The following ZNF532 variants were observed in gnomAD, a reference collection of about 807,000 sequenced individuals.
The protein encoded by ZNF532 is zinc finger protein 532.
A neutral mutation model predicts 89.3 loss-of-function variants in ZNF532; 22 were observed. That is an observed-to-expected ratio of 0.25 (90% confidence interval 0.18 to 0.35). ZNF532 has a LOEUF of 0.35. Among genes scored for constraint, ZNF532 ranks in the 10% least tolerant of loss-of-function variants. ZNF532 has a pLI of 1.00. For synonymous variants in ZNF532, 606 were observed against 649.6 expected (o/e 0.93, Z 1.02); for missense variants, 1,132 against 1,643.4 (o/e 0.69, Z 5.38).
At chr18:58,942,345 C>CCCTCCCTCCCTTCCTTCCTTCCTT (rs2063232886) in intron 5 of ZNF532, among the ~76,000 whole-genome samples, 1 of 74,652 alleles carries the variant, frequency 1.3e-5, no homozygotes, top group Non-Finnish European at 2.5e-5. Context: ...CTCCCTCCCT[C>CCCTCCCTCCCTTCCTTCCTTCCTT]CCTCCCTTCC....
chr18:58,953,642 A>G lies in ZNF532; in HGVS notation c.2993A>G (p.Asn998Ser). The change falls in exon 7 of 10, where the codon AAT (asparagine) becomes AGT (serine). Residue 998 changes from asparagine (N) to serine (S), a missense_variant. By Grantham distance (46) the Asn-to-Ser change is conservative (BLOSUM62 1). This residue lies in a region of ZNF532 where 415 missense variants were observed against 604.8 expected (regional missense o/e 0.69). Transcript: ENST00000591808. The part of the protein sequence containing the change: ...NQNKEDTKSM[N>S]GKEKLEKKSP... ...AACAAAGAGGACACCAAATCCATGA[A>G]TGGGAAAGAGAAATTGGAAAAGAAA... 1 of 1,614,022 alleles carries G rather than the reference A, an allele frequency of 6.2e-7. No individual in the cohort carries two copies.
intron 3 of ZNF532, among the ~76,000 whole-genome samples, chr18:58,922,521 A>G (rs1407836917): frequency 6.6e-6 from 1 of 152,222 alleles, no homozygotes; most frequent in Admixed American, 6.5e-5. Flanking sequence ...AACTTAGTTC[A>G]AGAAGGCTAT....
chr18:58,932,966 G>A (rs1346703704), intron 3 of ZNF532, among the ~76,000 whole-genome samples: 1 of 152,030 alleles, frequency 6.6e-6, no homozygotes, highest in Non-Finnish European at 1.5e-5. Context: ...TCCCAAGTAA[G>A]TGCAAGACAT....
In ZNF532 at chr18:58,969,987, G is replaced by A. The variant is rs1299963055; in HGVS notation, c.3151-9068G>A. 2.7e-5 allele frequency among the ~76,000 whole-genome samples: 4 copies of A among 146,508 alleles called. 1 individual carries two copies. Among genetic ancestry groups the A allele is most frequent in the South Asian group, 2.2e-4 (1 of 4,584 alleles). On this transcript the variant is annotated intron_variant, in intron 7 of 9. Coordinates refer to ENST00000591808, the MANE Select transcript of ZNF532 (RefSeq NM_001375912.1). ...GCAACCTCCCACTCTGGGTTCAAGCGATTCTCCTGCCTCAGCCTCCTGAGT... is the reference window on the plus strand; with the variant it reads ...GCAACCTCCCACTCTGGGTTCAAGCAATTCTCCTGCCTCAGCCTCCTGAGT...
At chr18:58,951,072 C>T (rs7244055) in intron 6 of ZNF532, among the ~76,000 whole-genome samples, 15,091 of 152,024 alleles carry the variant, frequency 0.099, 783 homozygotes, top group Admixed American at 0.13. Context: ...CCTCCAACCT[C>T]AGCCCCCCGA....
rs150282672 is a variant in ZNF532 at position 58,976,934 on chromosome 18, C to T, written c.3151-2121C>T. 1.6e-4 allele frequency among the ~76,000 whole-genome samples: 24 copies of T among 152,292 alleles called. No individual in the cohort carries two copies. In the East Asian group the frequency reaches 2.3e-3, roughly 15 times the overall value. The stretch of plus-strand genomic sequence containing the variant: ...TAAAGCTTTAAAATAAATAAAGGCT[C>T]GTTACCTCTTAGTCACTCTTTTGCT... On this transcript the variant is annotated intron_variant, in intron 7 of 9. Transcript: ENST00000591808.
intron 2 of ZNF532, among the ~76,000 whole-genome samples, chr18:58,892,111 T>C (rs2058943353): frequency 6.6e-6 from 1 of 152,010 alleles, no homozygotes; most frequent in Non-Finnish European, 1.5e-5. Flanking sequence ...ATTATTTTAA[T>C]GTCTCCATTT....
At chr18:58,924,366 A>T (rs1603148608) in intron 3 of ZNF532, among the ~76,000 whole-genome samples, 1 of 152,216 alleles carries the variant, frequency 6.6e-6, no homozygotes, top group Non-Finnish European at 1.5e-5. Flanking sequence ...GGGTCTGCAC[A>T]TTAGTGTCTA....
At chr18:58,939,668 A>G (rs755389354) in intron 5 of ZNF532, 47 bp downstream of exon 5, 8 of 1,553,306 alleles carry the variant, frequency 5.2e-6, no homozygotes, top group South Asian at 1.2e-5. Context: ...TTTATTAGCA[A>G]TTTAGAAGCA....
intron 7 of ZNF532, among the ~76,000 whole-genome samples, chr18:58,958,628 G>A (rs189272912): frequency 6.6e-6 from 1 of 152,312 alleles, no homozygotes; most frequent in East Asian, 1.9e-4. Context: ...GTCCCTGATT[G>A]AAGCAGTTCT....
intron 2 of ZNF532, among the ~76,000 whole-genome samples, chr18:58,881,438 T>G (rs77451180): frequency 2.1e-3 from 317 of 152,326 alleles, no homozygotes; most frequent in African/African-American, 7.1e-3. Context: ...CAGCCTGTTT[T>G]ACTTCTTAAA....
chr18:58,983,181 G>A (rs2068026054), intron 9 of ZNF532, among the ~76,000 whole-genome samples: 1 of 152,208 alleles, frequency 6.6e-6, no homozygotes, highest in African/African-American at 2.4e-5. Context: ...CATGAACAGA[G>A]CAGAAAAGCT....
At chr18:58,902,454 G>A (rs1214004535) in intron 2 of ZNF532, among the ~76,000 whole-genome samples, 3 of 150,776 alleles carry the variant, frequency 2.0e-5, no homozygotes, top group African/African-American at 4.9e-5. Flanking sequence ...AGAAACCTGT[G>A]TATTCTTTTT....
chr18:58,977,986 TCTTTA>T (rs1644131166), intron 7 of ZNF532, among the ~76,000 whole-genome samples: 1 of 152,238 alleles, frequency 6.6e-6, no homozygotes. Context: ...GCTTGACAGC[TCTTTA>T]ATTTCCTTGT....
chr18:58,968,707 C>T (rs775935699), intron 7 of ZNF532, among the ~76,000 whole-genome samples: 3 of 152,056 alleles, frequency 2.0e-5, no homozygotes, highest in Admixed American at 6.6e-5. Flanking sequence ...CCCAGATTTG[C>T]GCTGGGATTA....
rs573112573 is a variant in ZNF532 at position 58,945,056 on chromosome 18, T to C, written c.2706-3011T>C. Among the ~76,000 whole-genome samples the C allele has an allele frequency of 3.9e-5, 6 of 152,340 alleles. No homozygotes were observed. The South Asian group carries it at 1.2e-3, about 32-fold the overall frequency. On this transcript the variant is annotated intron_variant, in intron 5 of 9. Coordinates refer to ENST00000591808, the MANE Select transcript of ZNF532 (RefSeq NM_001375912.1). ...TTGACTTCATCCAGATTCCTCCCAG[T>C]TGTTATGCGTGTCTTTCTCCTCTCT... is the stretch of plus-strand genomic sequence containing the variant.
intron 2 of ZNF532, among the ~76,000 whole-genome samples, chr18:58,877,469 A>T (rs1210945140): frequency 6.6e-6 from 1 of 152,250 alleles, no homozygotes; most frequent in South Asian, 2.1e-4. Flanking sequence ...CACATTGATT[A>T]AATCAGCTAT....
At chr18:58,864,024 C>A (rs530638137), upstream of ZNF532, 1 of 152,174 alleles carries the variant, frequency 6.6e-6, no homozygotes, top group Non-Finnish European at 1.5e-5. Flanking sequence ...GGCTAGGCCC[C>A]GCAGGTTACG....
intron 9 of ZNF532, 100 bp from the exon 10 acceptor site, chr18:58,983,872 A>C: frequency 1.4e-6 from 2 of 1,457,134 alleles, no homozygotes; most frequent in Non-Finnish European, 1.9e-6. Context: ...AGCGTTCAGC[A>C]CAAGTTTTCC....
Sources: allele counts gnomAD v4.1 joint callset (sites outside exome capture counted in the v4.1 genomes callset), GRCh38; gene constraint gnomAD v4.1.1; regional missense constraint gnomAD v4.1.1; transcripts MANE v1.5; gene names NCBI Gene and HGNC (gene_info 2026-07-23, HGNC 2026-07-21).